Variants in CMA1 observed in about 807,000 individuals in gnomAD.
The protein encoded by CMA1 is chymase.
CMA1 carries 24 observed loss-of-function variants against 18.8 expected under a neutral mutation model. The ratio of observed to expected loss-of-function variants is 1.28; its 90% CI spans 0.92 to 1.80. The LOEUF is 1.80. Ranked by LOEUF, CMA1 falls within the 40% of genes most tolerant of loss-of-function variation. The probability of loss-of-function intolerance (pLI) is 0.00; values close to 1 mark genes in which losing one functional copy is unlikely to be tolerated. For synonymous variants in CMA1, 152 were observed against 117.0 expected, an observed-to-expected ratio of 1.30 and a Z score of -1.93; for missense variants, 421 against 302.8, an observed-to-expected ratio of 1.39 and a Z score of -2.90.
Position 24,505,507 on chromosome 14 carries a change from G to C in CMA1, c.*9C>G. On this transcript the variant is annotated 3_prime_UTR_variant, in exon 5 of 5. Coordinates refer to ENST00000250378, the MANE Select transcript of CMA1 (RefSeq NM_001836.5). ...CAGCTTCCCTTTCAGGCTGGCTCAG[G>C]ATCCAGGATTAATTTGCCTGCAGGA... is the stretch of plus-strand genomic sequence containing the variant. 6.2e-7 allele frequency: 1 copy of C among 1,613,950 alleles called. No individual in the cohort carries two copies. Among genetic ancestry groups the C allele is most frequent in the Non-Finnish European group, 8.5e-7 (1 of 1,179,982 alleles).
chr14:24,506,653 G>A (rs1313961332), intron 2 of CMA1, 49 bp from the exon 3 acceptor site: 1 of 1,605,912 alleles, frequency 6.2e-7, no homozygotes, highest in Non-Finnish European at 8.5e-7. Flanking sequence ...ATGGCTTGGG[G>A]TTTCTTCTGA....
chr14:24,505,860 A>C (rs2043849046), intron 4 of CMA1, among the ~76,000 whole-genome samples, 168 bp downstream of exon 4: 1 of 152,164 alleles, frequency 6.6e-6, no homozygotes, highest in Admixed American at 6.5e-5. Flanking sequence ...CCCCCAGTGC[A>C]GTAGACTGGA....
At chr14:24,506,427 A>G (rs201586659) in intron 3 of CMA1, 42 bp downstream of exon 3, 133 of 1,611,618 alleles carry the variant, frequency 8.3e-5, no homozygotes, top group Non-Finnish European at 1.1e-4. Context: ...GGAGAAGCTT[A>G]GGAGAATGGG....
At chr14:24,507,646 C>A (rs1300493031) in intron 1 of CMA1, 140 bp from the exon 2 acceptor site, 14 of 984,208 alleles carry the variant, frequency 1.4e-5, no homozygotes, top group South Asian at 8.1e-5. Context: ...TCTCCTGTCT[C>A]CTGTATTTCG....
chr14:24,507,229 G>GA, intron 2 of CMA1, 127 bp downstream of exon 2: 1 of 1,110,790 alleles, frequency 9.0e-7, no homozygotes, highest in Non-Finnish European at 1.4e-6. Flanking sequence ...TTCAGCCCAA[G>GA]TCTTCCCTCT....
chr14:24,508,121 A>T (rs1242374314), intron 1 of CMA1, 57 bp downstream of exon 1: 1 of 1,511,370 alleles, frequency 6.6e-7, no homozygotes, highest in Non-Finnish European at 9.2e-7. Context: ...CAGACTAAAC[A>T]TCTTTGTTTC....
At position 24,507,451 on chromosome 14, in the gene CMA1, G is replaced by A. The variant is rs13306254; in HGVS notation, c.114C>T (p.Tyr38=). 1.2e-6 allele frequency: 2 copies of A among 1,614,062 alleles called. No individual in the cohort carries two copies. The highest frequency in any genetic ancestry group is 2.7e-5 in the African/African-American group (2 of 74,914). Reference sequence around the variant, plus strand: ...GACCGTTGGAAGTTACAATTTCCAGGTAGGCCATGTAGGGGCGGGAATGTG... The same window carrying A: ...GACCGTTGGAAGTTACAATTTCCAGATAGGCCATGTAGGGGCGGGAATGTG... ...CKPHSRPYMA[Y]LEIVTSNGPS... is the part of the protein sequence containing the mutation. Residue 38 remains tyrosine, a synonymous_variant, in exon 2 of 5, where the codon TAC becomes TAT. Transcript: ENST00000250378.
Position 24,506,232 on chromosome 14 carries a change from T to A in CMA1, c.396A>T (p.Pro132=). ...LTLAVGTLPF[P]SQFNFVPPGR... ...CAGGTGGGACAAAGTTGAATTGGGATGGGAAGGGGAGTGTCCCCACAGCCA... is the reference window on the plus strand; with the variant it reads ...CAGGTGGGACAAAGTTGAATTGGGAAGGGAAGGGGAGTGTCCCCACAGCCA... The change falls in exon 4 of 5, where the codon CCA becomes CCT. Residue 132 remains proline (P), a synonymous_variant. Coordinates refer to ENST00000250378, the MANE Select transcript of CMA1 (RefSeq NM_001836.5). The A allele has an allele frequency of 6.2e-7, 1 of 1,614,078 alleles. No homozygotes were observed. The highest frequency in any genetic ancestry group is 1.1e-5 in the South Asian group (1 of 91,070).
chr14:24,506,434 T>C (rs775079876), intron 3 of CMA1, 35 bp downstream of exon 3: 1 of 1,612,410 alleles, frequency 6.2e-7, no homozygotes, highest in Non-Finnish European at 8.5e-7. Flanking sequence ...CTTAGGAGAA[T>C]GGGAAGTGGA....
intron 2 of CMA1, among the ~76,000 whole-genome samples, 187 bp downstream of exon 2, chr14:24,507,169 G>A (rs891748818): frequency 4.6e-5 from 7 of 152,190 alleles, no homozygotes; most frequent in African/African-American, 1.4e-4. Flanking sequence ...GGGGAGCTTA[G>A]CTCACAGTGA....
rs768524675 is a variant in CMA1 at position 24,508,091 on chromosome 14, G to A, written c.58+87C>T. On this transcript the variant is annotated intron_variant, in intron 1 of 4. Coordinates refer to ENST00000250378, the MANE Select transcript of CMA1 (RefSeq NM_001836.5). ...TCTTGAAGAGAGATCTTGGAACCCT[G>A]TTTAGGAGTCAGCTATTTTCAGACT... The A allele has an allele frequency of 5.4e-6, 7 of 1,304,718 alleles. No individual in the cohort carries two copies. In the Admixed American group the frequency reaches 1.1e-4, roughly 21 times the overall value. 80.8% of individuals were successfully genotyped at this position (1,304,718 alleles called of 1,614,324 possible).
chr14:24,505,944 C>A, intron 4 of CMA1, 84 bp downstream of exon 4: 1 of 1,538,254 alleles, frequency 6.5e-7, no homozygotes. Context: ...CACTGACTGA[C>A]AACCTTCTGA....
At position 24,506,043 on chromosome 14, in the gene CMA1, T is replaced by A; in HGVS notation, c.585A>T (p.Thr195=). The A allele has an allele frequency of 4.3e-6, 7 of 1,614,198 alleles. No individual in the cohort carries two copies. In the East Asian group the frequency reaches 8.9e-5, roughly 21 times the overall value. The stretch of plus-strand genomic sequence containing the variant: ...GGAGGATCACCTTAAATGCAGATTT[T>A]GTCTTCCTGGGATTGCCCACACACA... ...LQLCVGNPRK[T]KSAFKGDSGG... The change falls in exon 4 of 5, where the codon ACA becomes ACT. Residue 195 remains threonine (T), a synonymous_variant. Coordinates refer to ENST00000250378, the MANE Select transcript of CMA1 (RefSeq NM_001836.5).
In CMA1 at chr14:24,507,344, C is replaced by T. The variant is rs2043866076; in HGVS notation, c.209+12G>A. 1 of 1,614,122 alleles carries T rather than the reference C, an allele frequency of 6.2e-7. No homozygotes were observed. The highest frequency in any genetic ancestry group is 8.5e-7 in the Non-Finnish European group (1 of 1,179,986). Reference sequence around the variant, plus strand: ...TCTCCCATTTGGAGATAAATAGACCCTGTTGTCTCACCTTCCTGCACAATG... The same window carrying T: ...TCTCCCATTTGGAGATAAATAGACCTTGTTGTCTCACCTTCCTGCACAATG... On this transcript the variant is annotated intron_variant, in intron 2 of 4. Coordinates refer to ENST00000250378, the MANE Select transcript of CMA1 (RefSeq NM_001836.5).
At chr14:24,505,746 T>C (rs933186811) in intron 4 of CMA1, 87 bp from the exon 5 acceptor site, 15 of 1,499,314 alleles carry the variant, frequency 1.0e-5, no homozygotes, top group Non-Finnish European at 1.3e-5. Context: ...CAGTGAGACC[T>C]AAAGTCAGAC....
In CMA1 at chr14:24,505,633, A is replaced by G. The variant is rs1264847432; in HGVS notation, c.627T>C (p.Cys209=). ...FKGDSGGPLL[C]AGVAQGIVSY... is the part of the protein sequence containing the mutation. ...ATACGATGCCCTGGGCCACCCCAGC[A>G]CACAGAAGAGGGCCCCCAGAGTCTC... Residue 209 remains cysteine, a synonymous_variant, in exon 5 of 5, where the codon TGT becomes TGC. Transcript: ENST00000250378. 1 of 1,613,022 alleles carries G rather than the reference A, an allele frequency of 6.2e-7. No individual in the cohort carries two copies. Among genetic ancestry groups the G allele is most frequent in the Non-Finnish European group, 8.5e-7 (1 of 1,179,688 alleles).
chr14:24,505,876 T>A (rs2043849167), intron 4 of CMA1, 152 bp downstream of exon 4: 3 of 1,150,428 alleles, frequency 2.6e-6, no homozygotes, highest in Non-Finnish European at 3.7e-6. Flanking sequence ...CTGGAATGGA[T>A]GGTCAGAGGC....
Position 24,505,389 on chromosome 14 carries a change from C to G in CMA1, c.*127G>C. The G allele has an allele frequency of 1.6e-6, 2 of 1,214,024 alleles. No homozygotes were observed. The highest frequency in any genetic ancestry group is 1.3e-5 in the South Asian group (1 of 76,898). The allele number at this position is 1,214,024 out of a possible 1,614,324, so 75.2% of individuals were successfully genotyped here. On this transcript the variant is annotated 3_prime_UTR_variant, in exon 5 of 5. Coordinates refer to ENST00000250378, the MANE Select transcript of CMA1 (RefSeq NM_001836.5). ...TGAGGTTTATTGAGAGTTCTGTGAC[C>G]TGTAGGATACTTCTGGAGGCTTAGG...
At chr14:24,506,908 C>T (rs1170472596) in intron 2 of CMA1, among the ~76,000 whole-genome samples, 4 of 152,142 alleles carry the variant, frequency 2.6e-5, no homozygotes, top group Admixed American at 2.0e-4. Context: ...GAGGGCCAGC[C>T]CCTGAAGCAG....
Sources: gnomAD v4.1 joint callset for allele counts (sites outside exome capture counted in the v4.1 genomes callset) on GRCh38, gnomAD v4.1.1 for gene constraint, MANE v1.5 for transcripts, NCBI Gene and HGNC (gene_info 2026-07-23, HGNC 2026-07-21) for gene names.